Variants in BICC1 observed in about 807,000 individuals in gnomAD.
The protein encoded by BICC1 is BicC family RNA binding protein 1.
A neutral mutation model predicts 111.0 loss-of-function variants in BICC1; 43 were observed. The observed-to-expected ratio is 0.39, with a 90% CI of 0.30 to 0.50. The LOEUF is 0.50. BICC1 is among the 20% of genes least tolerant of loss of function. The pLI is 0.88. For missense variants in BICC1, 1,091 were observed against 1,203.2 expected (o/e 0.91, Z 1.38); for synonymous variants, 467 against 434.4 (o/e 1.07, Z -0.93).
At chr10:58,823,888 G>A (rs2132984615) in intron 20 of BICC1, 20 of 985,016 alleles carry the variant, frequency 2.0e-5, no homozygotes, top group Non-Finnish European at 2.4e-5. Flanking sequence ...TTGAAGTGCT[G>A]TGTTTGTTTT....
chr10:58,718,218 A>G (rs1589057089), intron 3 of BICC1, among the ~76,000 whole-genome samples: 2 of 152,186 alleles, frequency 1.3e-5, no homozygotes, highest in African/African-American at 2.4e-5. Flanking sequence ...GAAGTGCAAG[A>G]TCAAGGTGCT....
At chr10:58,517,622 A>G (rs927532956) in intron 1 of BICC1, among the ~76,000 whole-genome samples, 6 of 152,200 alleles carry the variant, frequency 3.9e-5, no homozygotes, top group Admixed American at 1.3e-4. Flanking sequence ...AACAAATCAA[A>G]TACATTTATG....
In BICC1 at chr10:58,713,917, T is replaced by C. The variant is rs182073558; in HGVS notation, c.307+11774T>C. On this transcript the variant is annotated intron_variant, in intron 3 of 20. Coordinates refer to ENST00000373886, the MANE Select transcript of BICC1 (RefSeq NM_001080512.3). ...GGATTTTACTGTGATTTATAAACTT[T>C]CTTCTGGAATGGTGGTTCTCCACCT... Among the ~76,000 whole-genome samples, 333 of 152,344 alleles carry C rather than the reference T, an allele frequency of 2.2e-3. 2 individuals are homozygous for C. Among genetic ancestry groups the C allele is most frequent in the Admixed American group, 0.021 (318 of 15,306 alleles).
intron 3 of BICC1, among the ~76,000 whole-genome samples, chr10:58,705,965 T>C (rs1403275618): frequency 1.3e-5 from 2 of 152,202 alleles, no homozygotes; most frequent in African/African-American, 4.8e-5. Flanking sequence ...TGGGTGACTG[T>C]AGAATTGTCT....
intron 2 of BICC1, among the ~76,000 whole-genome samples, chr10:58,648,079 G>A (rs996128045): frequency 2.0e-5 from 3 of 151,966 alleles, no homozygotes; most frequent in South Asian, 4.2e-4. Context: ...AAAGATTTTC[G>A]GAAATACACA....
At chr10:58,616,923 C>A (rs1184245341) in intron 1 of BICC1, among the ~76,000 whole-genome samples, 1 of 152,242 alleles carries the variant, frequency 6.6e-6, no homozygotes, top group East Asian at 1.9e-4. Flanking sequence ...CTCCCCTTGC[C>A]TAGATTTAAG....
chr10:58,787,815 C>T (rs1478869368), intron 5 of BICC1, among the ~76,000 whole-genome samples: 1 of 152,062 alleles, frequency 6.6e-6, no homozygotes, highest in Non-Finnish European at 1.5e-5. Flanking sequence ...ACGGCATGAC[C>T]ATTGGCCCTA....
At chr10:58,575,025 T>A (rs183393545) in intron 1 of BICC1, among the ~76,000 whole-genome samples, 2,283 of 152,116 alleles carry the variant, frequency 0.015, 18 homozygotes, top group Non-Finnish European at 0.017. Context: ...TTTTTTTTTT[T>A]AATTTTACTT....
chr10:58,756,423 T>C (rs904024017), intron 3 of BICC1, among the ~76,000 whole-genome samples: 1 of 152,212 alleles, frequency 6.6e-6, no homozygotes, highest in Non-Finnish European at 1.5e-5. Context: ...CAAAGGTTTG[T>C]CATTAACATT....
At chr10:58,535,342 A>G (rs1842797658) in intron 1 of BICC1, among the ~76,000 whole-genome samples, 1 of 151,752 alleles carries the variant, frequency 6.6e-6, no homozygotes, top group African/African-American at 2.4e-5. Flanking sequence ...AGACAAAAGC[A>G]TCAGGTAACC....
intron 1 of BICC1, among the ~76,000 whole-genome samples, chr10:58,558,549 T>C (rs2131940543): frequency 6.6e-6 from 1 of 152,246 alleles, no homozygotes; most frequent in East Asian, 1.9e-4. Context: ...ATGTTTTCCA[T>C]TTTTGAGTTG....
chr10:58,735,079 C>A (rs1207629507), intron 3 of BICC1, among the ~76,000 whole-genome samples: 1 of 152,150 alleles, frequency 6.6e-6, no homozygotes, highest in Non-Finnish European at 1.5e-5. Context: ...GTACATCCAC[C>A]CTTAACCAGA....
At chr10:58,517,568 A>C (rs1842275478) in intron 1 of BICC1, among the ~76,000 whole-genome samples, 1 of 152,236 alleles carries the variant, frequency 6.6e-6, no homozygotes, top group African/African-American at 2.4e-5. Context: ...TTAAATAAAC[A>C]GAGTTTTCTA....
chr10:58,769,509 C>T (rs1842565330), intron 3 of BICC1, among the ~76,000 whole-genome samples: 1 of 150,130 alleles, frequency 6.7e-6, no homozygotes, highest in East Asian at 2.0e-4. Context: ...TCAAAGCAGT[C>T]ACTCCTTTCA....
chr10:58,751,513 G>A (rs61875965), intron 3 of BICC1, among the ~76,000 whole-genome samples: 1,959 of 152,118 alleles, frequency 0.013, 41 homozygotes, highest in East Asian at 0.043. Flanking sequence ...AGGAAGTAAC[G>A]TGCCCAGTGG....
chr10:58,658,233 G>A (rs775302510), intron 2 of BICC1, among the ~76,000 whole-genome samples: 17 of 152,238 alleles, frequency 1.1e-4, no homozygotes, highest in South Asian at 8.3e-4. Context: ...TGTCACCCAG[G>A]CTGGAGTGCA....
intron 2 of BICC1, among the ~76,000 whole-genome samples, chr10:58,691,898 A>T (rs1181573831): frequency 6.6e-6 from 1 of 152,186 alleles, no homozygotes; most frequent in Non-Finnish European, 1.5e-5. Flanking sequence ...CTTAGTATTC[A>T]CTTAGTTTCA....
intron 1 of BICC1, among the ~76,000 whole-genome samples, chr10:58,530,065 G>C (rs908276917): frequency 9.2e-5 from 14 of 151,778 alleles, no homozygotes; most frequent in Non-Finnish European, 2.1e-4. Context: ...TGGGACTGCA[G>C]AATTAAATGA....
intron 1 of BICC1, among the ~76,000 whole-genome samples, chr10:58,548,214 G>A (rs1050598937): frequency 6.6e-6 from 1 of 152,280 alleles, no homozygotes; most frequent in African/African-American, 2.4e-5. Flanking sequence ...CAAACACTGA[G>A]AGATCTGGCT....
Sources: allele counts gnomAD v4.1 joint callset (sites outside exome capture counted in the v4.1 genomes callset), GRCh38; gene constraint gnomAD v4.1.1; transcripts MANE v1.5; gene names NCBI Gene and HGNC (gene_info 2026-07-23, HGNC 2026-07-21).